The following PCDH9 variants were observed in gnomAD, a reference collection of about 807,000 sequenced individuals.
The protein encoded by PCDH9 is protocadherin 9.
Under a neutral mutation model 70.6 loss-of-function variants are expected in PCDH9, and 24 were observed. That is an observed-to-expected ratio of 0.34 (90% CI 0.25 to 0.48). PCDH9 has a LOEUF of 0.48. PCDH9 is among the 20% of genes least tolerant of loss of function. The pLI, the probability that PCDH9 is intolerant of heterozygous loss-of-function variation, is 0.99. For synonymous variants in PCDH9, 562 were observed against 558.5 expected (o/e 1.01, Z -0.09); for missense variants, 1,281 against 1,503.6 (o/e 0.85, Z 2.45).
chr13:66,863,834 T>C (rs182500013), intron 3 of PCDH9, among the ~76,000 whole-genome samples: 1 of 152,198 alleles, frequency 6.6e-6, no homozygotes, highest in East Asian at 1.9e-4. Flanking sequence ...TAAGACATCG[T>C]ATTGGTCCGT....
intron 4 of PCDH9, among the ~76,000 whole-genome samples, chr13:66,623,726 A>G (rs566239773): frequency 1.3e-5 from 2 of 152,332 alleles, no homozygotes; most frequent in Admixed American, 1.3e-4. Context: ...GGCATGAGCC[A>G]CTGCACCCGA....
At chr13:66,895,724 T>G (rs2082166979) in intron 3 of PCDH9, among the ~76,000 whole-genome samples, 2 of 152,224 alleles carry the variant, frequency 1.3e-5, no homozygotes, top group South Asian at 4.1e-4. Flanking sequence ...ATATTATTTA[T>G]TATCATTTCA....
At position 66,820,081 on chromosome 13, in the gene PCDH9, A is replaced by C. The variant is rs185380581; in HGVS notation, c.3138+83423T>G. The stretch of plus-strand genomic sequence containing the variant: ...AGTATGATATAATGAATAATCAATA[A>C]ATTTTTATATTGAATTTGTTCCATA... On this transcript the variant is annotated intron_variant, in intron 3 of 4. Coordinates refer to ENST00000377865, the MANE Select transcript of PCDH9 (RefSeq NM_203487.3). 2.1e-3 allele frequency among the ~76,000 whole-genome samples: 317 copies of C among 152,218 alleles called. 1 individual carries two copies. Among genetic ancestry groups the C allele is most frequent in the Non-Finnish European group, 3.1e-3 (213 of 67,990 alleles).
chr13:66,523,100 C>A (rs1160822591), intron 4 of PCDH9, among the ~76,000 whole-genome samples: 1 of 151,984 alleles, frequency 6.6e-6, no homozygotes, highest in Non-Finnish European at 1.5e-5. Flanking sequence ...GAATTCATAG[C>A]AATTTGTTCA....
intron 2 of PCDH9, among the ~76,000 whole-genome samples, chr13:67,097,492 A>T (rs941986150): frequency 1.1e-4 from 16 of 152,260 alleles, no homozygotes; most frequent in African/African-American, 3.8e-4. Flanking sequence ...TAGGAAAAAA[A>T]ATACTTTAAT....
intron 3 of PCDH9, among the ~76,000 whole-genome samples, chr13:66,757,958 A>T (rs114674085): frequency 0.01 from 1,577 of 152,176 alleles, 31 homozygotes; most frequent in African/African-American, 0.036. Context: ...TTAAATGTCC[A>T]TAATTTTTTC....
intron 3 of PCDH9, among the ~76,000 whole-genome samples, chr13:66,634,869 T>C (rs1274300378): frequency 6.6e-6 from 1 of 152,150 alleles, no homozygotes; most frequent in Non-Finnish European, 1.5e-5. Flanking sequence ...CCATGCAACC[T>C]ATTGATCTTG....
At chr13:66,802,943 C>A (rs905051660) in intron 3 of PCDH9, among the ~76,000 whole-genome samples, 1 of 152,078 alleles carries the variant, frequency 6.6e-6, no homozygotes, top group African/African-American at 2.4e-5. Flanking sequence ...GGAACTCTAA[C>A]GGAATCACCT....
intron 4 of PCDH9, among the ~76,000 whole-genome samples, chr13:66,503,150 T>G (rs889785812): frequency 6.6e-6 from 1 of 152,206 alleles, no homozygotes; most frequent in Admixed American, 6.5e-5. Flanking sequence ...TGTAATTACA[T>G]TGAATCTTAC....
At chr13:66,592,814 G>A (rs1023980375) in intron 4 of PCDH9, among the ~76,000 whole-genome samples, 1 of 151,660 alleles carries the variant, frequency 6.6e-6, no homozygotes, top group African/African-American at 2.4e-5. Flanking sequence ...AACAATAGTT[G>A]TTTCTTCAGG....
At chr13:67,162,884 G>A (rs558159710) in intron 2 of PCDH9, among the ~76,000 whole-genome samples, 4 of 152,164 alleles carry the variant, frequency 2.6e-5, no homozygotes, top group African/African-American at 9.6e-5. Flanking sequence ...TATATCTTAA[G>A]TATGTCATTA....
At chr13:66,459,402 T>C (rs1440899967) in intron 4 of PCDH9, among the ~76,000 whole-genome samples, 1 of 152,038 alleles carries the variant, frequency 6.6e-6, no homozygotes, top group African/African-American at 2.4e-5. Context: ...ATTCTTTTCT[T>C]TCTTCCGAGT....
chr13:66,481,962 AC>A (rs1438180521), intron 4 of PCDH9, among the ~76,000 whole-genome samples: 1 of 152,056 alleles, frequency 6.6e-6, no homozygotes, highest in African/African-American at 2.4e-5. Context: ...ACACACACAC[AC>A]ACAAAATCAA....
At chr13:66,852,962 G>T (rs1042782661) in intron 3 of PCDH9, among the ~76,000 whole-genome samples, 1 of 150,574 alleles carries the variant, frequency 6.6e-6, no homozygotes, top group Non-Finnish European at 1.5e-5. Flanking sequence ...CACAGCAAAC[G>T]CAGAAGGAAA....
At chr13:66,707,421 T>C (rs1273973776) in intron 3 of PCDH9, among the ~76,000 whole-genome samples, 1 of 152,206 alleles carries the variant, frequency 6.6e-6, no homozygotes, top group Admixed American at 6.5e-5. Flanking sequence ...AAGCTACAGT[T>C]ACCCTCAAGT....
At chr13:66,781,152 T>G (rs957391444) in intron 3 of PCDH9, among the ~76,000 whole-genome samples, 1 of 152,174 alleles carries the variant, frequency 6.6e-6, no homozygotes, top group Admixed American at 6.6e-5. Flanking sequence ...TACTTCTAAT[T>G]GGGCCAACTT....
chr13:67,066,735 G>A lies in PCDH9; in HGVS notation c.3036+158670C>T, dbSNP rs184103384. 2.4e-3 allele frequency among the ~76,000 whole-genome samples: 363 copies of A among 152,022 alleles called. 5 individuals are homozygous for A. Among genetic ancestry groups the A allele is most frequent in the Non-Finnish European group, 2.9e-3 (197 of 67,978 alleles). ...TTTATCAGTGTTTTTCTTACTGCAG[G>A]AATAGCAGATATAGTTAACATGAAA... On this transcript the variant is annotated intron_variant, in intron 2 of 4. Transcript: ENST00000377865.
chr13:66,975,331 CA>C (rs1200982053), intron 2 of PCDH9, among the ~76,000 whole-genome samples: 1 of 152,028 alleles, frequency 6.6e-6, no homozygotes, highest in Non-Finnish European at 1.5e-5. Flanking sequence ...CAAATTATCT[CA>C]ATGGATTTTT....
intron 4 of PCDH9, among the ~76,000 whole-genome samples, chr13:66,598,583 A>AG (rs1367703606): frequency 2.2e-4 from 33 of 151,934 alleles, no homozygotes; most frequent in Non-Finnish European, 4.4e-4. Flanking sequence ...CAAAACTGCT[A>AG]ATCAGTGCCC....
Sources: allele counts gnomAD v4.1 joint callset (sites outside exome capture counted in the v4.1 genomes callset), GRCh38; gene constraint gnomAD v4.1.1; transcripts MANE v1.5; gene names NCBI Gene and HGNC (gene_info 2026-07-23, HGNC 2026-07-21).